The following MAPK6 variants were observed in gnomAD, a reference collection of about 807,000 sequenced individuals.
The protein encoded by MAPK6 is mitogen-activated protein kinase 6, also known as ERK-3.
In MAPK6, 19 loss-of-function variants were observed where a neutral mutation model predicts 59.3. The observed-to-expected ratio is 0.32, with a 90% confidence interval of 0.22 to 0.47. The LOEUF (loss-of-function observed/expected upper bound fraction) is 0.47, where lower values mean the gene tolerates loss of function less well. Among genes scored for constraint, MAPK6 ranks in the 20% least tolerant of loss-of-function variants. The pLI is 1.00. For missense variants in MAPK6, 724 were observed against 847.9 expected (o/e 0.85, Z 1.81); for synonymous variants, 316 against 290.3 (o/e 1.09, Z -0.90).
At chr15:52,016,719 A>T (rs1294629377), upstream of MAPK6, among the ~76,000 whole-genome samples, 3 of 151,952 alleles carry the variant, frequency 2.0e-5, no homozygotes, top group Non-Finnish European at 4.4e-5. Flanking sequence ...TCCCAAACCC[A>T]ATCAGGACCC....
upstream of MAPK6, among the ~76,000 whole-genome samples, chr15:52,018,260 C>T (rs1566900464): frequency 6.6e-6 from 1 of 152,130 alleles, no homozygotes; most frequent in Non-Finnish European, 1.5e-5. Context: ...AACTCCTGGC[C>T]TCAGGTGATC....
At chr15:51,991,418 CA>C (rs2057208488) in intron 2 of MAPK6, among the ~76,000 whole-genome samples, 1 of 152,106 alleles carries the variant, frequency 6.6e-6, no homozygotes, top group South Asian at 2.1e-4. Context: ...GGTCTCATGC[CA>C]GAAAGGACTA....
Position 52,020,241 on chromosome 15 carries a change from C to T in MAPK6, c.-632+865C>T, listed in dbSNP as rs541000502. ...CGAAAAGTAAAGGTGTTTTGGCATCCTTTTGTTTCTTGGCGAGTGTAGGAC... is the reference window on the plus strand; with the variant it reads ...CGAAAAGTAAAGGTGTTTTGGCATCTTTTTGTTTCTTGGCGAGTGTAGGAC... On this transcript the variant is annotated intron_variant, in intron 1 of 5. Coordinates refer to ENST00000261845, the MANE Select transcript of MAPK6 (RefSeq NM_002748.4). Among the ~76,000 whole-genome samples, 9 of 152,310 alleles carry T rather than the reference C, an allele frequency of 5.9e-5. No homozygotes were observed. In the South Asian group the frequency reaches 1.7e-3, roughly 28 times the overall value.
chr15:52,047,122 A>G (rs2031616225), intron 2 of MAPK6, 107 bp downstream of exon 2: 2 of 769,262 alleles, frequency 2.6e-6, no homozygotes, highest in Non-Finnish European at 3.9e-6. Flanking sequence ...TAATCTTATT[A>G]AACTTTACAT....
intron 2 of MAPK6, among the ~76,000 whole-genome samples, chr15:51,992,754 A>G (rs1280267513): frequency 1.3e-5 from 2 of 152,074 alleles, no homozygotes; most frequent in African/African-American, 4.8e-5. Context: ...AATGCTTTTT[A>G]CTTATGTTTA....
At chr15:52,016,437 A>G (rs2030274181), upstream of MAPK6, among the ~76,000 whole-genome samples, 1 of 152,144 alleles carries the variant, frequency 6.6e-6, no homozygotes, top group African/African-American at 2.4e-5. Context: ...AACTACATTG[A>G]CATGACTTTA....
chr15:52,045,957 T>C lies in MAPK6; in HGVS notation c.-504T>C, dbSNP rs1237608200. On this transcript the variant is annotated 5_prime_UTR_variant, in exon 2 of 6. Coordinates refer to ENST00000261845, the MANE Select transcript of MAPK6 (RefSeq NM_002748.4). ...AGGGCTTCCTGTTGAAATAAATATA[T>C]AGCAACAAAGGAAAAAAAGAAGCAA... The C allele has an allele frequency of 6.5e-6, 1 of 153,414 alleles. No homozygotes were observed. Among genetic ancestry groups the C allele is most frequent in the Non-Finnish European group, 1.5e-5 (1 of 68,578 alleles). The allele number at this position is 153,414 out of a possible 1,614,324, so 9.5% of individuals were successfully genotyped here. A position where few individuals can be genotyped will look rare whatever the true frequency, so the allele number is the denominator to read the frequency against.
intron 1 of MAPK6, among the ~76,000 whole-genome samples, chr15:51,973,916 T>A (rs1297339715): frequency 6.6e-6 from 1 of 151,844 alleles, no homozygotes; most frequent in East Asian, 1.9e-4. Context: ...CCTCCCAAAG[T>A]GATGGAATTA....
At chr15:52,031,112 G>C (rs769804753) in intron 1 of MAPK6, among the ~76,000 whole-genome samples, 2 of 151,882 alleles carry the variant, frequency 1.3e-5, no homozygotes, top group Non-Finnish European at 2.9e-5. Context: ...TGTATTTTTA[G>C]TAGAGAGACA....
At chr15:52,024,304 T>C (rs773865791) in intron 1 of MAPK6, among the ~76,000 whole-genome samples, 3 of 152,192 alleles carry the variant, frequency 2.0e-5, no homozygotes, top group Non-Finnish European at 4.4e-5. Flanking sequence ...CCAACAGTAT[T>C]AGCATCACCT....
chr15:52,023,590 G>C (rs1595978257), intron 1 of MAPK6, among the ~76,000 whole-genome samples: 1 of 152,332 alleles, frequency 6.6e-6, no homozygotes, highest in South Asian at 2.1e-4. Context: ...AATAATGTGT[G>C]TCTCTCTAAG....
At chr15:52,019,218 T>G (rs1325176711), upstream of MAPK6, 1 of 151,886 alleles carries the variant, frequency 6.6e-6, no homozygotes, top group Non-Finnish European at 1.5e-5. Flanking sequence ...CCCCGCCCCC[T>G]CTTCCTCGCC....
intron 1 of MAPK6, among the ~76,000 whole-genome samples, chr15:51,983,033 C>G (rs951911808): frequency 2.6e-5 from 4 of 152,162 alleles, no homozygotes; most frequent in Non-Finnish European, 5.9e-5. Flanking sequence ...CACATGTACA[C>G]ACTTTTTATC....
chr15:51,999,234 G>A (rs1221586818), intron 2 of MAPK6, among the ~76,000 whole-genome samples: 1 of 145,596 alleles, frequency 6.9e-6, no homozygotes, highest in Non-Finnish European at 1.5e-5. Flanking sequence ...CTGACCTCAA[G>A]TGGTCCACCT....
chr15:52,007,777 A>G (rs1289640487), intron 3 of MAPK6, among the ~76,000 whole-genome samples: 1 of 151,468 alleles, frequency 6.6e-6, no homozygotes, highest in Non-Finnish European at 1.5e-5. Flanking sequence ...GCTCTTACAT[A>G]TATATATAGT....
intron 1 of MAPK6, among the ~76,000 whole-genome samples, chr15:51,979,619 C>A (rs1045158049): frequency 6.6e-6 from 1 of 151,488 alleles, no homozygotes; most frequent in Non-Finnish European, 1.5e-5. Flanking sequence ...AAGGCGAAAC[C>A]CCATCACTAC....
At chr15:52,013,006 AAAAAAAAAAAAAAAATATATATAT>A (rs1323114934) in intron 3 of MAPK6, among the ~76,000 whole-genome samples, 6 of 23,142 alleles carry the variant, frequency 2.6e-4, no homozygotes, top group South Asian at 1.6e-3. Context: ...AAAAAAAAAA[AAAAAAAAAAAAAAAATATATATAT>A]ATATATATAT....
chr15:51,993,880 C>T (rs2057217125), intron 2 of MAPK6, among the ~76,000 whole-genome samples: 1 of 150,970 alleles, frequency 6.6e-6, no homozygotes, highest in Non-Finnish European at 1.5e-5. Flanking sequence ...GAATCCTCTG[C>T]CTCTCTTTCC....
intron 2 of MAPK6, among the ~76,000 whole-genome samples, chr15:51,997,101 T>G (rs1595961368): frequency 6.6e-6 from 1 of 151,868 alleles, no homozygotes; most frequent in African/African-American, 2.4e-5. Context: ...TGCCTCAGCC[T>G]CCTGAGTAGC....
Sources: gnomAD v4.1 joint callset for allele counts (sites outside exome capture counted in the v4.1 genomes callset) on GRCh38, gnomAD v4.1.1 for gene constraint, MANE v1.5 for transcripts, NCBI Gene and HGNC (gene_info 2026-07-23, HGNC 2026-07-21) for gene names.